Variants in PAN3 observed in about 807,000 individuals in gnomAD.
The protein encoded by PAN3 is poly(A) specific ribonuclease subunit PAN3, also known as PAN2-PAN3 deadenylation complex subunit PAN3.
PAN3 carries 19 observed loss-of-function variants against 96.2 expected under a neutral mutation model. That is an observed-to-expected ratio of 0.20 (90% CI 0.14 to 0.29). The LOEUF (loss-of-function observed/expected upper bound fraction) is 0.29, where lower values mean the gene tolerates loss of function less well. Among genes scored for constraint, PAN3 ranks in the 10% least tolerant of loss-of-function variants. PAN3 has a pLI of 1.00. For missense variants in PAN3, 882 were observed against 1,108.1 expected, an observed-to-expected ratio of 0.80 and a Z score of 2.90; for synonymous variants, 433 against 406.6, an observed-to-expected ratio of 1.06 and a Z score of -0.78.
intron 1 of PAN3, among the ~76,000 whole-genome samples, chr13:28,151,076 G>A (rs1346340833): frequency 1.3e-5 from 2 of 152,164 alleles, no homozygotes; most frequent in Non-Finnish European, 2.9e-5. Context: ...ACTGGAGAAT[G>A]ATAGCCAAGC....
chr13:28,176,897 T>A (rs1875086868), intron 3 of PAN3, among the ~76,000 whole-genome samples: 1 of 151,966 alleles, frequency 6.6e-6, no homozygotes, highest in Admixed American at 6.6e-5. Context: ...TTCAACATGC[T>A]ATTTTATTAA....
intron 5 of PAN3, among the ~76,000 whole-genome samples, chr13:28,217,787 T>C (rs1328894106): frequency 6.6e-6 from 1 of 152,116 alleles, no homozygotes; most frequent in Non-Finnish European, 1.5e-5. Flanking sequence ...TATAGAGAAA[T>C]ATCTGTCTTT....
Position 28,266,710 on chromosome 13 carries a change from T to A in PAN3, c.1412-5T>A, listed in dbSNP as rs563326521. On this transcript the variant is annotated splice_region_variant and splice_polypyrimidine_tract_variant and intron_variant, in intron 9 of 18. Coordinates refer to ENST00000380958, the MANE Select transcript of PAN3 (RefSeq NM_175854.8). The stretch of plus-strand genomic sequence containing the variant: ...TTCAAGTCATCTTCTTATGAATTAC[T>A]CTAGCAGTTCCTACAGAGGTTGACA... 6.4e-6 allele frequency: 10 copies of A among 1,561,712 alleles called. 1 individual carries two copies. In the African/African-American group the frequency reaches 1.4e-4, roughly 21 times the overall value.
intron 17 of PAN3, 116 bp from the exon 18 acceptor site, chr13:28,287,868 C>T: frequency 1.0e-6 from 1 of 963,748 alleles, no homozygotes; most frequent in Non-Finnish European, 1.5e-6. Flanking sequence ...ACCAGACTCC[C>T]TCCCAATTTT....
In PAN3 at chr13:28,293,387, G is replaced by GTTTTTTTTTGTTTTTTTTTTT. The variant is rs1869988891; in HGVS notation, c.*874_*875insGTTTTTTTTTTTTTTTTTTTT. 4.7e-5 allele frequency: 1 copy of GTTTTTTTTTGTTTTTTTTTTT among 21,356 alleles called. No individual in the cohort carries two copies. Among genetic ancestry groups the GTTTTTTTTTGTTTTTTTTTTT allele is most frequent in the African/African-American group, 2.0e-4 (1 of 4,970 alleles). The allele number at this position is 21,356 out of a possible 1,614,324, so 1.3% of individuals were successfully genotyped here. A position where few individuals can be genotyped will look rare whatever the true frequency, so the allele number is the denominator to read the frequency against. On this transcript the variant is annotated 3_prime_UTR_variant, in exon 19 of 19. Coordinates refer to ENST00000380958, the MANE Select transcript of PAN3 (RefSeq NM_175854.8). ...ACTTTAGGTTCTTTCCAGTTTGCTG[G>GTTTTTTTTTGTTTTTTTTTTT]TTTTTTTTTTTTTTTTTTTTTTTTT...
chr13:28,279,137 G>A (rs548236622), intron 15 of PAN3, among the ~76,000 whole-genome samples: 1 of 151,940 alleles, frequency 6.6e-6, no homozygotes, highest in East Asian at 1.9e-4. Context: ...TTTACGTATA[G>A]AATAAGCGGC....
At chr13:28,199,498 C>T (rs1416636033) in intron 5 of PAN3, among the ~76,000 whole-genome samples, 1 of 152,126 alleles carries the variant, frequency 6.6e-6, no homozygotes, top group East Asian at 1.9e-4. Context: ...CCTTTAAGGA[C>T]ATAAGGAATG....
intron 9 of PAN3, 92 bp from the exon 10 acceptor site, chr13:28,266,623 G>A (rs1886201895): frequency 2.1e-6 from 2 of 973,688 alleles, no homozygotes; most frequent in Admixed American, 2.8e-5. Flanking sequence ...TGATACACAA[G>A]GGGTTTATAG....
At chr13:28,270,916 A>T in intron 13 of PAN3, 50 bp downstream of exon 13, 1 of 1,519,796 alleles carries the variant, frequency 6.6e-7, no homozygotes, top group Non-Finnish European at 9.0e-7. Flanking sequence ...CTTACCTTTG[A>T]CAGCTTAGTA....
At chr13:28,166,967 C>T (rs1873626755) in intron 1 of PAN3, among the ~76,000 whole-genome samples, 1 of 152,072 alleles carries the variant, frequency 6.6e-6, no homozygotes, top group South Asian at 2.1e-4. Flanking sequence ...GGAGTAGCAG[C>T]CTTGAAGCAA....
chr13:28,265,435 A>G (rs1339711256), intron 9 of PAN3, among the ~76,000 whole-genome samples: 1 of 152,214 alleles, frequency 6.6e-6, no homozygotes, highest in Non-Finnish European at 1.5e-5. Flanking sequence ...GTTTTTCATT[A>G]TGGCCATGCC....
intron 2 of PAN3, among the ~76,000 whole-genome samples, chr13:28,176,146 A>G (rs144493741): frequency 6.6e-6 from 1 of 152,328 alleles, no homozygotes; most frequent in Non-Finnish European, 1.5e-5. Context: ...TACTCATTTT[A>G]TTCATAGTCA....
chr13:28,179,326 C>T (rs1451402495), intron 4 of PAN3, among the ~76,000 whole-genome samples: 1 of 152,178 alleles, frequency 6.6e-6, no homozygotes, highest in Non-Finnish European at 1.5e-5. Context: ...CGAATACAAC[C>T]TGGAAATCAA....
intron 6 of PAN3, among the ~76,000 whole-genome samples, chr13:28,235,547 T>A (rs1320834290): frequency 6.6e-6 from 1 of 152,170 alleles, no homozygotes; most frequent in African/African-American, 2.4e-5. Context: ...TGCCTGCTTT[T>A]TATTGATTAG....
At chr13:28,287,649 A>C (rs1325026199) in intron 17 of PAN3, among the ~76,000 whole-genome samples, 1 of 152,190 alleles carries the variant, frequency 6.6e-6, no homozygotes, top group Admixed American at 6.5e-5. Context: ...ACCTTTCTCT[A>C]TTCTGTAACC....
intron 1 of PAN3, among the ~76,000 whole-genome samples, chr13:28,164,613 T>C (rs1380982158): frequency 6.6e-6 from 1 of 152,234 alleles, no homozygotes; most frequent in Non-Finnish European, 1.5e-5. Context: ...TGACTTCTTT[T>C]TGGATGATCA....
chr13:28,257,735 TA>T (rs373094018), intron 7 of PAN3, among the ~76,000 whole-genome samples: 17 of 110,094 alleles, frequency 1.5e-4, no homozygotes, highest in South Asian at 8.2e-4. Context: ...ATATTATATA[TA>T]AATTATATAT....
intron 15 of PAN3, among the ~76,000 whole-genome samples, chr13:28,277,855 T>C (rs777057291): frequency 3.9e-5 from 6 of 152,236 alleles, no homozygotes; most frequent in Non-Finnish European, 8.8e-5. Flanking sequence ...TCATGTACTC[T>C]GGCCAAAATA....
At chr13:28,163,051 G>GT (rs879880779) in intron 1 of PAN3, among the ~76,000 whole-genome samples, 33 of 147,676 alleles carry the variant, frequency 2.2e-4, no homozygotes, top group Admixed American at 3.4e-4. Flanking sequence ...AGCCCAGGAA[G>GT]TTTTTTTTTT....
Sources: gnomAD v4.1 joint callset for allele counts (sites outside exome capture counted in the v4.1 genomes callset) on GRCh38, gnomAD v4.1.1 for gene constraint, MANE v1.5 for transcripts, NCBI Gene and HGNC (gene_info 2026-07-23, HGNC 2026-07-21) for gene names.